Variants in PLAGL1 observed in about 807,000 individuals in gnomAD.
PLAGL1 encodes the protein PLAG1 like zinc finger 1.
In PLAGL1, 1 loss-of-function variant was observed where a neutral mutation model predicts 4.6. That is an observed-to-expected ratio of 0.22 (90% confidence interval 0.08 to 1.03). The LOEUF is 1.03. PLAGL1 is among the 50% of genes least tolerant of loss of function. PLAGL1 has a pLI of 0.58. For synonymous variants in PLAGL1, 240 were observed against 237.8 expected, an observed-to-expected ratio of 1.01 and a Z score of -0.08; for missense variants, 464 against 570.4, an observed-to-expected ratio of 0.81 and a Z score of 1.90.
intron 1 of PLAGL1, among the ~76,000 whole-genome samples, chr6:143,998,156 A>C (rs549970020): frequency 1.1e-4 from 16 of 152,202 alleles, no homozygotes; most frequent in Non-Finnish European, 1.9e-4. Context: ...TATCAACAAA[A>C]ACTTGGAAGG....
At chr6:144,010,128 C>G (rs1795055976), upstream of PLAGL1, among the ~76,000 whole-genome samples, 1 of 152,172 alleles carries the variant, frequency 6.6e-6, no homozygotes, top group Non-Finnish European at 1.5e-5. This position sits in a 1 kb window ranked among gnomAD's most constrained non-coding sequence, Gnocchi z 4.1. Context: ...AATTTACACT[C>G]CCACCAACAG....
rs1792575676 is a variant in PLAGL1 at position 144,000,294 on chromosome 6, TAA to T, written c.-584+7794_-584+7795del. Among the ~76,000 whole-genome samples the T allele has an allele frequency of 6.6e-6, 1 of 151,914 alleles. No homozygotes were observed. Among genetic ancestry groups the T allele is most frequent in the African/African-American group, 2.4e-5 (1 of 41,338 alleles). ...GTGAAATTAGACATAAACAAAAGAA[TAA>T]GAGATTTGAAGATCAGAAGGAAAAG... On this transcript the variant is annotated intron_variant, in intron 1 of 7. Transcript: ENST00000674357. This position sits in a 1 kb window ranked among gnomAD's most constrained non-coding sequence, Gnocchi z 4.1.
intron 1 of PLAGL1, among the ~76,000 whole-genome samples, chr6:143,999,620 G>C (rs1346745280): frequency 6.6e-6 from 1 of 152,134 alleles, no homozygotes; most frequent in African/African-American, 2.4e-5. Flanking sequence ...CAGTTGCTAA[G>C]CTCTTGTGTA....
chr6:143,991,344 T>C (rs978188719), intron 1 of PLAGL1, among the ~76,000 whole-genome samples: 3 of 152,226 alleles, frequency 2.0e-5, no homozygotes, highest in Admixed American at 1.3e-4. Context: ...TCATATTTCC[T>C]GGAAAACCAT....
chr6:144,002,255 G>T (rs951478806), intron 1 of PLAGL1, among the ~76,000 whole-genome samples: 8 of 152,052 alleles, frequency 5.3e-5, no homozygotes, highest in Non-Finnish European at 8.8e-5. Flanking sequence ...CAGTGAACTA[G>T]AAACAGAAGA....
In PLAGL1 at chr6:143,964,288, A is replaced by G. The variant is rs1166714705; in HGVS notation, c.-399+499T>C. On this transcript the variant is annotated intron_variant, in intron 5 of 7. Transcript: ENST00000674357. The surrounding 1 kb of genome is among the most constrained non-coding windows in gnomAD (Gnocchi z 4.3). ...GGCAGACAGCTACAAGGATTCAATA[A>G]ATCACTACTTTGATAAACTGAAGGT... is the stretch of plus-strand genomic sequence containing the variant. Among the ~76,000 whole-genome samples the G allele has an allele frequency of 6.6e-6, 1 of 152,170 alleles. No homozygotes were observed. The highest frequency in any genetic ancestry group is 1.9e-4 in the East Asian group (1 of 5,192).
rs1782605845 is a variant in PLAGL1, at chr6:143,958,328, G to A, written c.-325+2141C>T. Among the ~76,000 whole-genome samples the A allele has an allele frequency of 6.6e-6, 1 of 152,190 alleles. No homozygotes were observed. The highest frequency in any genetic ancestry group is 1.5e-5 in the Non-Finnish European group (1 of 68,026). On this transcript the variant is annotated intron_variant, in intron 6 of 7. Coordinates refer to ENST00000674357, the MANE Select transcript of PLAGL1 (RefSeq NM_001317162.2). The surrounding 1 kb of genome is among the most constrained non-coding windows in gnomAD (Gnocchi z 5.1). The stretch of plus-strand genomic sequence containing the variant: ...CTAACTGGTTCTTTTTACATGAGAT[G>A]AACCCAAGACCAAATCGGATTACCC...
In PLAGL1 at chr6:143,965,267, G is replaced by A. The variant is rs1784213098; in HGVS notation, c.-430-449C>T. 1 of 152,194 alleles carries A rather than the reference G, an allele frequency of 6.6e-6. No homozygotes were observed. The highest frequency in any genetic ancestry group is 2.4e-5 in the African/African-American group (1 of 41,444). The allele number at this position is 152,194 out of a possible 1,614,324, so 9.4% of individuals were successfully genotyped here. ...CAAATTCCACTTGAGTTCCGTGGCT[G>A]AATGTCTGAGACCTTCAGAAGAAGC... On this transcript the variant is annotated intron_variant, in intron 4 of 7. Transcript: ENST00000674357. This position sits in a 1 kb window ranked among gnomAD's most constrained non-coding sequence, Gnocchi z 7.5.
At position 143,973,278 on chromosome 6, in the gene PLAGL1, G is replaced by C. The variant is rs1432064477; in HGVS notation, c.-543-4300C>G. On this transcript the variant is annotated intron_variant, in intron 2 of 7. Coordinates refer to ENST00000674357, the MANE Select transcript of PLAGL1 (RefSeq NM_001317162.2). The surrounding 1 kb of genome is among the most constrained non-coding windows in gnomAD (Gnocchi z 6.2). ...CTCTTTCCCTCCATTGCTTTCATTA[G>C]GCCCAGCCCAGACAAACAGCGACAG... Among the ~76,000 whole-genome samples the C allele has an allele frequency of 6.6e-6, 1 of 152,176 alleles. No individual in the cohort carries two copies. Among genetic ancestry groups the C allele is most frequent in the Non-Finnish European group, 1.5e-5 (1 of 68,042 alleles).
chr6:144,062,485 A>C lies in PLAGL1; in HGVS notation c.-151+1983T>G, dbSNP rs892027397. 7.9e-4 allele frequency among the ~76,000 whole-genome samples: 119 copies of C among 151,322 alleles called. 1 individual carries two copies. Among genetic ancestry groups the C allele is most frequent in the Non-Finnish European group, 1.3e-4 (9 of 67,682 alleles). On this transcript the variant is annotated intron_variant, in intron 1 of 3. Transcript: ENST00000437412. ...GTTATCAGACCAAAAAAAAAAAAAA[A>C]AAAAAAAAAACACAGATTTGACTAT...
rs760478312 is a variant in PLAGL1, at chr6:143,942,185, GCTC to G, written c.628_630del (p.Glu210del). The G allele has an allele frequency of 1.9e-6, 3 of 1,614,186 alleles. No homozygotes were observed. In the Admixed American group the frequency reaches 5.0e-5, roughly 27 times the overall value. ...CCGGTCTGCAAGCTCTCTTTCATCA[GCTC>G]CTGTGAGTGGGTCTTCTTGGTATGC... On this transcript the variant is annotated inframe_deletion, in exon 8 of 8. Transcript: ENST00000674357. The surrounding 1 kb of genome is among the most constrained non-coding windows in gnomAD (Gnocchi z 7.6).
chr6:143,969,655 C>T (rs1277262413), intron 2 of PLAGL1, among the ~76,000 whole-genome samples: 1 of 151,388 alleles, frequency 6.6e-6, no homozygotes. Context: ...TAAGTCAGAA[C>T]CTTTTTAAGA....
rs898575321 is a variant in PLAGL1, at chr6:143,971,802, T to A, written c.-543-2824A>T. Among the ~76,000 whole-genome samples the A allele has an allele frequency of 2.0e-5, 3 of 152,238 alleles. No individual in the cohort carries two copies. Among genetic ancestry groups the A allele is most frequent in the Admixed American group, 1.3e-4 (2 of 15,272 alleles). ...TAAATCATGTAAAATGGCAGCCTTA[T>A]CCATCTCAATCACTAAATTCGGTCA... is the stretch of plus-strand genomic sequence containing the variant. On this transcript the variant is annotated intron_variant, in intron 2 of 7. Transcript: ENST00000674357. This position sits in a 1 kb window ranked among gnomAD's most constrained non-coding sequence, Gnocchi z 4.7.
rs1164055495 is a variant in PLAGL1, at chr6:143,949,745, C to T, written c.-324-1285G>A. The stretch of plus-strand genomic sequence containing the variant: ...TGCTGAACTTTGCCAGTAAGCAGGG[C>T]ACTTCATGGTAAACTGACCAATTGC... On this transcript the variant is annotated intron_variant, in intron 6 of 7. Coordinates refer to ENST00000674357, the MANE Select transcript of PLAGL1 (RefSeq NM_001317162.2). This position sits in a 1 kb window ranked among gnomAD's most constrained non-coding sequence, Gnocchi z 5.3. 3.3e-5 allele frequency among the ~76,000 whole-genome samples: 5 copies of T among 152,218 alleles called. No individual in the cohort carries two copies. The East Asian group carries it at 7.7e-4, about 23-fold the overall frequency.
At chr6:143,944,715 GTA>G (rs3060702) in intron 7 of PLAGL1, among the ~76,000 whole-genome samples, 129,258 of 150,670 alleles carry the variant, frequency 0.86, 55,714 homozygotes, top group East Asian at 0.99. Flanking sequence ...ATATCCATAT[GTA>G]TATATATATA....
rs1011621466 is a variant in PLAGL1 at position 144,036,015 on chromosome 6, C to T, written c.-151+28453G>A. On this transcript the variant is annotated intron_variant, in intron 1 of 3. Coordinates refer to the PLAGL1 transcript ENST00000437412. This position sits in a 1 kb window ranked among gnomAD's most constrained non-coding sequence, Gnocchi z 5.1. ...CTGGGTTTTATTGTGCCTGGATGGC[C>T]ATCTGATTACGTGTGGCTTAGCCTG... Among the ~76,000 whole-genome samples, 5 of 152,040 alleles carry T rather than the reference C, an allele frequency of 3.3e-5. No homozygotes were observed. Among genetic ancestry groups the T allele is most frequent in the Non-Finnish European group, 7.4e-5 (5 of 68,000 alleles).
Position 144,000,540 on chromosome 6 carries a change from T to C in PLAGL1, c.-584+7550A>G, listed in dbSNP as rs1216435056. The stretch of plus-strand genomic sequence containing the variant: ...ACACAAAAAGGACATGTGAGATAAA[T>C]GAAAAAATTGAGTATTGCAAATATA... On this transcript the variant is annotated intron_variant, in intron 1 of 7. Transcript: ENST00000674357. The surrounding 1 kb of genome is among the most constrained non-coding windows in gnomAD (Gnocchi z 4.1). 6.6e-6 allele frequency among the ~76,000 whole-genome samples: 1 copy of C among 152,114 alleles called. No homozygotes were observed. Among genetic ancestry groups the C allele is most frequent in the African/African-American group, 2.4e-5 (1 of 41,452 alleles).
chr6:144,030,125 G>A (rs1249817467), intron 1 of PLAGL1, among the ~76,000 whole-genome samples: 1 of 151,800 alleles, frequency 6.6e-6, no homozygotes, highest in African/African-American at 2.4e-5. Context: ...CGTGGTGGCA[G>A]GCGCCTGTAG....
At chr6:144,012,306 G>C (rs147718574), upstream of PLAGL1, among the ~76,000 whole-genome samples, 1 of 151,996 alleles carries the variant, frequency 6.6e-6, no homozygotes, top group African/African-American at 2.4e-5. This position sits in a 1 kb window ranked among gnomAD's most constrained non-coding sequence, Gnocchi z 4.8. Flanking sequence ...CCTGCCTCCC[G>C]GGTTCAAGCA....
Sources: gnomAD v4.1 joint callset for allele counts (sites outside exome capture counted in the v4.1 genomes callset) on GRCh38, gnomAD v4.1.1 for gene constraint, Gnocchi (gnomAD v3.1) non-coding constraint, MANE v1.5 for transcripts, NCBI Gene and HGNC (gene_info 2026-07-23, HGNC 2026-07-21) for gene names.